The following TUSC3 variants were observed in gnomAD, a reference collection of about 807,000 sequenced individuals.
TUSC3 encodes the protein tumor suppressor candidate 3, also known as dolichyl-diphosphooligosaccharide--protein glycosyltransferase subunit TUSC3.
A neutral mutation model predicts 44.8 loss-of-function variants in TUSC3; 45 were observed. That is an observed-to-expected ratio of 1.00 (90% CI 0.79 to 1.29). The LOEUF (loss-of-function observed/expected upper bound fraction) is 1.29, where lower values mean the gene tolerates loss of function less well. Ranked by LOEUF, TUSC3 falls within the 50% of genes most tolerant of loss-of-function variation. The pLI is 0.00. For missense variants in TUSC3, 519 were observed against 437.9 expected (o/e 1.19, Z -1.65); for synonymous variants, 212 against 152.9 (o/e 1.39, Z -2.85).
In TUSC3 at chr8:15,512,872, G is replaced by GTGTATATATA. The variant is rs761482107; in HGVS notation, n.189+29390_189+29391insGTATATATAT. ...TGTGTGTGTGTATATATATGTGTGT[G>GTGTATATATA]TATATATATATATACACACAATTCT... On this transcript the variant is annotated intron_variant and non_coding_transcript_variant, in intron 2 of 5. Coordinates refer to the TUSC3 transcript ENST00000503191. Among the ~76,000 whole-genome samples the GTGTATATATA allele has an allele frequency of 9.5e-4, 126 of 132,288 alleles. 2 individuals are homozygous for GTGTATATATA. Among genetic ancestry groups the GTGTATATATA allele is most frequent in the South Asian group, 3.7e-3 (15 of 4,012 alleles). The allele number at this position is 132,288 out of a possible 152,430, so 86.8% of individuals were successfully genotyped here. A position where few individuals can be genotyped will look rare whatever the true frequency, so the allele number is the denominator to read the frequency against.
At chr8:15,426,362 T>C (rs1799803944) in intron 1 of TUSC3, among the ~76,000 whole-genome samples, 1 of 152,256 alleles carries the variant, frequency 6.6e-6, no homozygotes, top group Admixed American at 6.5e-5. Context: ...CTTATTCATC[T>C]AGCATAAGTG....
chr8:15,653,517 G>T (rs536200139), intron 3 of TUSC3, among the ~76,000 whole-genome samples: 2 of 152,092 alleles, frequency 1.3e-5, no homozygotes. Flanking sequence ...AAAGTTTGGC[G>T]TATAAGAGTT....
intron 1 of TUSC3, among the ~76,000 whole-genome samples, chr8:15,546,337 C>G (rs1324647329): frequency 6.6e-6 from 1 of 151,638 alleles, no homozygotes; most frequent in Non-Finnish European, 1.5e-5. Context: ...AATCACTTGC[C>G]GGTATAATAC....
At chr8:15,755,432 G>A (rs543952551) in intron 9 of TUSC3, among the ~76,000 whole-genome samples, 53 of 151,762 alleles carry the variant, frequency 3.5e-4, no homozygotes, top group African/African-American at 1.2e-3. Context: ...TTTTCTTTAC[G>A]CTAAAGATTA....
chr8:15,450,786 G>C (rs1229091657), intron 1 of TUSC3, among the ~76,000 whole-genome samples: 1 of 152,198 alleles, frequency 6.6e-6, no homozygotes, highest in Non-Finnish European at 1.5e-5. Flanking sequence ...AACAGAAACA[G>C]ATGTTGGCTT....
chr8:15,561,885 C>G (rs1318743957), intron 1 of TUSC3, among the ~76,000 whole-genome samples: 1 of 152,166 alleles, frequency 6.6e-6, no homozygotes, highest in African/African-American at 2.4e-5. Context: ...TGCGCACCCA[C>G]TCTCCTGCAC....
chr8:15,462,201 T>C (rs1352780297), intron 1 of TUSC3, among the ~76,000 whole-genome samples: 1 of 152,108 alleles, frequency 6.6e-6, no homozygotes, highest in Non-Finnish European at 1.5e-5. Flanking sequence ...TTCTGAGCAC[T>C]TTGCAGGTCA....
At chr8:15,759,002 C>T (rs1259809619) in intron 10 of TUSC3, among the ~76,000 whole-genome samples, 1 of 152,086 alleles carries the variant, frequency 6.6e-6, no homozygotes, top group Admixed American at 6.6e-5. Context: ...GAGAAGAGAG[C>T]CCCAGGACTT....
chr8:15,645,094 G>A (rs1806564949), intron 2 of TUSC3, among the ~76,000 whole-genome samples: 1 of 152,068 alleles, frequency 6.6e-6, no homozygotes, highest in African/African-American at 2.4e-5. Context: ...GAGTAACATT[G>A]AAAGTGGGTT....
At chr8:15,698,969 C>G (rs1281312435) in intron 6 of TUSC3, among the ~76,000 whole-genome samples, 1 of 151,910 alleles carries the variant, frequency 6.6e-6, no homozygotes, top group Non-Finnish European at 1.5e-5. Flanking sequence ...ACCTCAGCCT[C>G]CTTAGTAGCT....
At chr8:15,425,263 T>A (rs961569397) in intron 1 of TUSC3, among the ~76,000 whole-genome samples, 1 of 152,208 alleles carries the variant, frequency 6.6e-6, no homozygotes, top group Non-Finnish European at 1.5e-5. Flanking sequence ...CAGGGCCCAG[T>A]TGAAGTTGGA....
chr8:15,804,276 A>G, the TUSC3 span, among the ~76,000 whole-genome samples: 1 of 152,166 alleles, frequency 6.6e-6, no homozygotes, highest in African/African-American at 2.4e-5. Context: ...AGATTTTTAA[A>G]AAGTTTACAC....
intron 2 of TUSC3, among the ~76,000 whole-genome samples, chr8:15,490,213 C>A (rs1585063750): frequency 6.6e-6 from 1 of 152,238 alleles, no homozygotes; most frequent in East Asian, 1.9e-4. Flanking sequence ...CAATCTGAAG[C>A]CATCACCATC....
chr8:15,833,156 G>C, the TUSC3 span, among the ~76,000 whole-genome samples: 17 of 152,232 alleles, frequency 1.1e-4, no homozygotes, highest in East Asian at 3.3e-3. Flanking sequence ...AAACCACAAT[G>C]AGATACTATC....
chr8:15,828,669 T>C, the TUSC3 span, among the ~76,000 whole-genome samples: 2 of 152,168 alleles, frequency 1.3e-5, no homozygotes, highest in Non-Finnish European at 2.9e-5. Context: ...CTTACAAAAA[T>C]ACAGTAAAAC....
At chr8:15,452,007 C>G (rs1244182114) in intron 1 of TUSC3, among the ~76,000 whole-genome samples, 1 of 152,068 alleles carries the variant, frequency 6.6e-6, no homozygotes, top group Non-Finnish European at 1.5e-5. Context: ...GTGATGATGT[C>G]TTACAAGAGT....
chr8:15,758,164 G>C, intron 10 of TUSC3: 1 of 1,087,444 alleles, frequency 9.2e-7, no homozygotes, highest in Non-Finnish European at 1.1e-6. Context: ...AAAAAAGGCA[G>C]TCAACAAATA....
chr8:15,469,633 T>C (rs930883828), intron 1 of TUSC3, among the ~76,000 whole-genome samples: 1 of 152,190 alleles, frequency 6.6e-6, no homozygotes, highest in African/African-American at 2.4e-5. Context: ...GATTCAACAG[T>C]TATGCTCCTT....
intron 1 of TUSC3, among the ~76,000 whole-genome samples, chr8:15,568,243 G>A (rs1802747892): frequency 6.6e-6 from 1 of 152,144 alleles, no homozygotes; most frequent in African/African-American, 2.4e-5. Context: ...AAAACACAAA[G>A]AGAAGAGGCA....
Sources: gnomAD v4.1 joint callset for allele counts (sites outside exome capture counted in the v4.1 genomes callset) on GRCh38, gnomAD v4.1.1 for gene constraint, MANE v1.5 for transcripts, NCBI Gene and HGNC (gene_info 2026-07-23, HGNC 2026-07-21) for gene names.